The following MOB3B variants were observed in gnomAD, a reference collection of about 807,000 sequenced individuals.
The protein encoded by MOB3B is MOB kinase activator-like 2B.
Under a neutral mutation model 18.7 loss-of-function variants are expected in MOB3B, and 7 were observed. That is an observed-to-expected ratio of 0.37 (90% CI 0.21 to 0.70). The LOEUF is 0.70. Among genes scored for constraint, MOB3B ranks in the 30% least tolerant of loss-of-function variants. The pLI, the probability that MOB3B is intolerant of heterozygous loss-of-function variation, is 0.52. For synonymous variants in MOB3B, 111 were observed against 99.9 expected, an observed-to-expected ratio of 1.11 and a Z score of -0.66; for missense variants, 253 against 281.3, an observed-to-expected ratio of 0.90 and a Z score of 0.72.
intron 3 of MOB3B, among the ~76,000 whole-genome samples, chr9:27,341,700 G>A (rs1820944318): frequency 6.6e-6 from 1 of 152,220 alleles, no homozygotes; most frequent in African/African-American, 2.4e-5. Context: ...GCCCGACTCT[G>A]TCACTGACTC....
intron 2 of MOB3B, among the ~76,000 whole-genome samples, chr9:27,453,664 T>C (rs563230739): frequency 6.6e-6 from 1 of 152,104 alleles, no homozygotes; most frequent in Non-Finnish European, 1.5e-5. Flanking sequence ...AACAGGAGTA[T>C]GCAGAATTCA....
intron 2 of MOB3B, among the ~76,000 whole-genome samples, chr9:27,387,100 G>A (rs1409820941): frequency 1.3e-5 from 2 of 152,186 alleles, no homozygotes; most frequent in African/African-American, 2.4e-5. Context: ...TGGCCTAAAT[G>A]TGTGCTTGCT....
At chr9:27,458,117 C>T (rs1819212620) in intron 1 of MOB3B, among the ~76,000 whole-genome samples, 2 of 152,340 alleles carry the variant, frequency 1.3e-5, no homozygotes, top group South Asian at 4.1e-4. Flanking sequence ...CAGCTGCCCC[C>T]TCATGTCTTG....
chr9:27,341,097 G>C (rs1683883685), intron 3 of MOB3B, among the ~76,000 whole-genome samples: 1 of 152,228 alleles, frequency 6.6e-6, no homozygotes, highest in South Asian at 2.1e-4. Context: ...ATTTGCTTCT[G>C]TCATGTGGCC....
chr9:27,491,995 G>C (rs10217637), intron 1 of MOB3B, among the ~76,000 whole-genome samples: 38 of 152,236 alleles, frequency 2.5e-4, no homozygotes, highest in African/African-American at 8.9e-4. Flanking sequence ...TAAATGGAAA[G>C]TAGTTTACTC....
intron 1 of MOB3B, among the ~76,000 whole-genome samples, chr9:27,475,252 G>C (rs1024756640): frequency 3.9e-5 from 6 of 152,116 alleles, no homozygotes; most frequent in African/African-American, 1.4e-4. Context: ...AGTAAGCTCC[G>C]AGGCGGCTCC....
chr9:27,350,411 C>T (rs866645772), intron 3 of MOB3B, among the ~76,000 whole-genome samples: 2 of 152,112 alleles, frequency 1.3e-5, no homozygotes, highest in African/African-American at 2.4e-5. Context: ...CCATGAGAGA[C>T]ATCTTCAACT....
chr9:27,363,570 GTT>G (rs1160736478), intron 2 of MOB3B, among the ~76,000 whole-genome samples: 27 of 144,330 alleles, frequency 1.9e-4, no homozygotes, highest in African/African-American at 6.5e-4. Flanking sequence ...GCCCGGCTCA[GTT>G]TTTTTTTTTT....
intron 2 of MOB3B, among the ~76,000 whole-genome samples, chr9:27,430,788 A>C (rs1672800778): frequency 2.0e-5 from 3 of 152,130 alleles, no homozygotes; most frequent in Non-Finnish European, 4.4e-5. Flanking sequence ...GGTTATTTTA[A>C]AGTATTTTCT....
At chr9:27,376,466 C>A (rs1821490916) in intron 2 of MOB3B, among the ~76,000 whole-genome samples, 1 of 152,148 alleles carries the variant, frequency 6.6e-6, no homozygotes, top group African/African-American at 2.4e-5. Flanking sequence ...CAGAAGTATG[C>A]ATGCTGCCGT....
chr9:27,352,420 T>C (rs934142291), intron 3 of MOB3B, among the ~76,000 whole-genome samples: 8 of 148,282 alleles, frequency 5.4e-5, no homozygotes, highest in African/African-American at 1.7e-4. Flanking sequence ...TGAAATAATA[T>C]ATGTCAAGAG....
chr9:27,508,725 T>C (rs1433035175), intron 1 of MOB3B, among the ~76,000 whole-genome samples: 1 of 152,142 alleles, frequency 6.6e-6, no homozygotes, highest in East Asian at 1.9e-4. Context: ...TGACTTTAAA[T>C]TAAGTTTGTC....
chr9:27,451,350 G>A (rs1007885968), intron 2 of MOB3B, among the ~76,000 whole-genome samples: 1 of 152,170 alleles, frequency 6.6e-6, no homozygotes, highest in Non-Finnish European at 1.5e-5. Flanking sequence ...TGTTGGGTTT[G>A]TAATAAAAGA....
intron 3 of MOB3B, among the ~76,000 whole-genome samples, chr9:27,350,022 T>G (rs1821082568): frequency 6.6e-6 from 1 of 152,228 alleles, no homozygotes; most frequent in Non-Finnish European, 1.5e-5. Flanking sequence ...GTTCAGTATC[T>G]GTGATATCCA....
intron 1 of MOB3B, among the ~76,000 whole-genome samples, chr9:27,473,615 T>C (rs1408543750): frequency 6.6e-6 from 1 of 151,970 alleles, no homozygotes; most frequent in Non-Finnish European, 1.5e-5. Context: ...TCTAGCACCT[T>C]CTCCAACCAA....
intron 1 of MOB3B, among the ~76,000 whole-genome samples, chr9:27,462,618 T>C (rs1360275316): frequency 6.6e-6 from 1 of 152,256 alleles, no homozygotes; most frequent in Non-Finnish European, 1.5e-5. Context: ...TAAAGGTCAT[T>C]GTCAGTTACC....
chr9:27,434,698 G>A (rs1043646893), intron 2 of MOB3B, among the ~76,000 whole-genome samples: 4 of 151,998 alleles, frequency 2.6e-5, no homozygotes, highest in African/African-American at 7.2e-5. Flanking sequence ...CGGAAATTTA[G>A]GGCTTACCTT....
intron 2 of MOB3B, among the ~76,000 whole-genome samples, chr9:27,419,506 T>C (rs1250991051): frequency 6.6e-6 from 1 of 151,974 alleles, no homozygotes; most frequent in African/African-American, 2.4e-5. Context: ...ACCCAAATAC[T>C]TACAGCCAAC....
At chr9:27,504,555 G>A (rs1421714675) in intron 1 of MOB3B, among the ~76,000 whole-genome samples, 1 of 152,124 alleles carries the variant, frequency 6.6e-6, no homozygotes, top group Non-Finnish European at 1.5e-5. Flanking sequence ...CTTGGCCCTG[G>A]GGCTTGGGGA....
Sources: gnomAD v4.1 joint callset for allele counts (sites outside exome capture counted in the v4.1 genomes callset) on GRCh38, gnomAD v4.1.1 for gene constraint, MANE v1.5 for transcripts, NCBI Gene and HGNC (gene_info 2026-07-23, HGNC 2026-07-21) for gene names.